The following ITFG2 variants were observed in gnomAD, a reference collection of about 807,000 sequenced individuals.
ITFG2 encodes the protein KICSTOR complex protein ITFG2.
A neutral mutation model predicts 54.4 loss-of-function variants in ITFG2; 36 were observed. That is an observed-to-expected ratio of 0.66 (90% CI 0.51 to 0.87). The LOEUF (loss-of-function observed/expected upper bound fraction) is 0.87. Ranked by LOEUF, ITFG2 falls within the 40% of genes least tolerant of loss-of-function variation. The pLI is 0.00. For missense variants in ITFG2, 524 were observed against 576.7 expected (o/e 0.91, Z 0.94); for synonymous variants, 211 against 225.4 (o/e 0.94, Z 0.57).
At chr12:2,859,503 G>A (rs375005500) in intron 3 of ITFG2, 2 of 1,613,952 alleles carry the variant, frequency 1.2e-6, no homozygotes, top group Middle Eastern at 1.6e-4. Context: ...CACTTTGATG[G>A]GTCTCGCTAA....
chr12:2,859,357 G>A (rs151053319), intron 3 of ITFG2: 91 of 1,613,728 alleles, frequency 5.6e-5, no homozygotes, highest in Middle Eastern at 1.6e-4. Context: ...GAGACACACC[G>A]GGTTGGGGAC....
In ITFG2 at chr12:2,852,556, C is replaced by T. The variant is rs190065434; in HGVS notation, n.301-5456C>T. On this transcript the variant is annotated intron_variant and non_coding_transcript_variant, in intron 2 of 3. Transcript: ENST00000537710. The stretch of plus-strand genomic sequence containing the variant: ...TAATTTTTTGATATTTTTGTGGAGA[C>T]GGGGTCTCATATGGTGCCCCAGGCT... 1.4e-4 allele frequency among the ~76,000 whole-genome samples: 22 copies of T among 152,078 alleles called. No individual in the cohort carries two copies. The East Asian group carries it at 3.7e-3, about 26-fold the overall frequency.
intron 1 of ITFG2, among the ~76,000 whole-genome samples, chr12:2,815,137 C>G (rs1484417202): frequency 1.3e-5 from 2 of 152,160 alleles, no homozygotes; most frequent in Admixed American, 6.5e-5. Flanking sequence ...AGCCACCGCG[C>G]CCAGCCAGAA....
At position 2,845,630 on chromosome 12, in the gene ITFG2, G is replaced by A. The variant is rs1314620012; in HGVS notation, n.300+4635G>A. Among the ~76,000 whole-genome samples the A allele has an allele frequency of 6.6e-6, 1 of 152,142 alleles. No individual in the cohort carries two copies. The highest frequency in any genetic ancestry group is 1.5e-5 in the Non-Finnish European group (1 of 68,018). The stretch of plus-strand genomic sequence containing the variant: ...TCAGCAGGGCACAGGGTGTTCTGGG[G>A]AGTGAAGTATGTGGGGGAAAGGGGT... On this transcript the variant is annotated intron_variant and non_coding_transcript_variant, in intron 2 of 3. Coordinates refer to the ITFG2 transcript ENST00000537710. This position sits in a 1 kb window ranked among gnomAD's most constrained non-coding sequence, Gnocchi z 4.2.
Position 2,824,435 on chromosome 12 carries a change from G to A in ITFG2, c.*242G>A. On this transcript the variant is annotated 3_prime_UTR_variant, in exon 12 of 12. Coordinates refer to ENST00000228799, the MANE Select transcript of ITFG2 (RefSeq NM_018463.4). ...CTTATGGACCTCACCCATCATGCCA[G>A]CAGGGTCATAGGACCCTGGCCTTGT... is the stretch of plus-strand genomic sequence containing the variant. 1.8e-6 allele frequency: 1 copy of A among 547,222 alleles called. No individual in the cohort carries two copies. Among genetic ancestry groups the A allele is most frequent in the Non-Finnish European group, 3.4e-6 (1 of 293,820 alleles). 33.9% of individuals were successfully genotyped at this position (547,222 alleles called of 1,614,324 possible). A position where few individuals can be genotyped will look rare whatever the true frequency, so the allele number is the denominator to read the frequency against.
At position 2,858,305 on chromosome 12, in the gene ITFG2, C is replaced by T. The variant is rs151033195; in HGVS notation, n.594C>T. The T allele has an allele frequency of 6.2e-4, 168 of 270,592 alleles. 1 individual carries two copies. The East Asian group carries it at 0.011, about 18-fold the overall frequency. The allele number at this position is 270,592 out of a possible 1,614,324, so 16.8% of individuals were successfully genotyped here. On this transcript the variant is annotated non_coding_transcript_exon_variant, in exon 3 of 4. Coordinates refer to the ITFG2 transcript ENST00000537710. ...ATTTGGAGAATTTATACTATTTACA[C>T]GGACCACCCTGCAAAGATCAGGGAA... is the stretch of plus-strand genomic sequence containing the variant.
Position 2,849,099 on chromosome 12 carries a change from G to A in ITFG2, n.300+8104G>A, listed in dbSNP as rs1412516740. 5 of 897,554 alleles carry A rather than the reference G, an allele frequency of 5.6e-6. No individual in the cohort carries two copies. The African/African-American group carries it at 6.8e-5, about 12-fold the overall frequency. The allele number at this position is 897,554 out of a possible 1,614,324, so 55.6% of individuals were successfully genotyped here. ...TACAGAGGTGGCTTGAGGCTGGGAG[G>A]ATGGTGGAGAGGCTGTTCTGCAGAA... On this transcript the variant is annotated intron_variant and non_coding_transcript_variant, in intron 2 of 3. Coordinates refer to the ITFG2 transcript ENST00000537710.
At position 2,824,364 on chromosome 12, in the gene ITFG2, A is replaced by G. The variant is rs1057332761; in HGVS notation, c.*171A>G. The G allele has an allele frequency of 4.1e-6, 3 of 732,994 alleles. No individual in the cohort carries two copies. The highest frequency in any genetic ancestry group is 7.2e-6 in the Non-Finnish European group (3 of 416,108). The allele number at this position is 732,994 out of a possible 1,614,324, so 45.4% of individuals were successfully genotyped here. On this transcript the variant is annotated 3_prime_UTR_variant, in exon 12 of 12. Transcript: ENST00000228799. ...GGTGACCGTGAACTATAGACCTCGC[A>G]GTCTTTTCGGTGAAAGAAGAGACAA...
intron 1 of ITFG2, among the ~76,000 whole-genome samples, chr12:2,837,453 A>G (rs1296432063): frequency 7.9e-5 from 12 of 151,208 alleles, no homozygotes; most frequent in East Asian, 2.0e-4. Flanking sequence ...ACTCCAGCCT[A>G]GGCGACAGAG....
At chr12:2,828,562 A>G (rs531375932), downstream of ITFG2, 7 of 666,754 alleles carry the variant, frequency 1.0e-5, no homozygotes, top group South Asian at 1.9e-5. Context: ...TATCGGGGCC[A>G]GGCGCGGTAG....
intron 1 of ITFG2, 48 bp from the exon 2 acceptor site, chr12:2,817,175 G>C (rs186909341): frequency 1.6e-6 from 2 of 1,257,210 alleles, no homozygotes; most frequent in African/African-American, 1.5e-5. Flanking sequence ...AGCTTGAAGA[G>C]GTTCAGCAGA....
At position 2,820,054 on chromosome 12, in the gene ITFG2, TC is replaced by T. The variant is rs572677865; in HGVS notation, c.407-30del. ...GAGGAGCGGGGGCTGCTCGTGGGAC[TC>T]CAGAGCCCATCTTGTCTTTCATGCC... On this transcript the variant is annotated intron_variant, in intron 4 of 11. Coordinates refer to ENST00000228799, the MANE Select transcript of ITFG2 (RefSeq NM_018463.4). The T allele has an allele frequency of 8.6e-4, 1,371 of 1,586,014 alleles. 19 individuals carry two copies. The South Asian group carries it at 0.015, about 17-fold the overall frequency.
intron 6 of ITFG2, 65 bp from the exon 7 acceptor site, chr12:2,821,197 T>C: frequency 7.7e-7 from 1 of 1,293,876 alleles, no homozygotes; most frequent in African/African-American, 1.5e-5. Flanking sequence ...GGATAGGGGT[T>C]ACAAAGGGCT....
intron 2 of ITFG2, chr12:2,849,532 G>A: frequency 6.5e-7 from 1 of 1,535,984 alleles, no homozygotes; most frequent in Non-Finnish European, 8.7e-7. Context: ...GTACCTGTTG[G>A]GAGAAGGGTA....
rs376372246 is a variant in ITFG2 at position 2,855,069 on chromosome 12, G to A, written n.301-2943G>A. 1.0e-5 allele frequency: 16 copies of A among 1,536,060 alleles called. No individual in the cohort carries two copies. In the African/African-American group the frequency reaches 1.4e-4, roughly 13 times the overall value. ...TGGGATAACAGTGGATGAAGGTCAG[G>A]AAGCTGTTTTGCCCCATCCAGGAGG... On this transcript the variant is annotated intron_variant and non_coding_transcript_variant, in intron 2 of 3. Coordinates refer to the ITFG2 transcript ENST00000537710.
At chr12:2,830,987 G>C, downstream of ITFG2, 1 of 918,786 alleles carries the variant, frequency 1.1e-6, no homozygotes, top group African/African-American at 1.8e-5. Flanking sequence ...TACCCTAGGA[G>C]TTTACCCTAG....
chr12:2,855,025 C>G (rs2098082819), intron 2 of ITFG2: 1 of 1,535,982 alleles, frequency 6.5e-7, no homozygotes, highest in Non-Finnish European at 8.7e-7. Flanking sequence ...CTGCTTCTTC[C>G]TTTTCATGTC....
At chr12:2,849,514 A>T in intron 2 of ITFG2, 1 of 1,536,128 alleles carries the variant, frequency 6.5e-7, no homozygotes, top group Non-Finnish European at 8.7e-7. Flanking sequence ...ACCAGCGGAT[A>T]TGTGCCGGTA....
downstream of ITFG2, among the ~76,000 whole-genome samples, chr12:2,831,187 ATT>A (rs750440577): frequency 3.1e-4 from 47 of 150,444 alleles, 1 homozygote; most frequent in Non-Finnish European, 6.1e-4. Flanking sequence ...TCAAACTTAC[ATT>A]TTTTTTTAAC....
Sources: allele counts gnomAD v4.1 joint callset (sites outside exome capture counted in the v4.1 genomes callset), GRCh38; gene constraint gnomAD v4.1.1; non-coding constraint Gnocchi (gnomAD v3.1); transcripts MANE v1.5; gene names NCBI Gene and HGNC (gene_info 2026-07-23, HGNC 2026-07-21).